ADAMTS12: variants seen among roughly 807,000 people sequenced by gnomAD.
The protein encoded by ADAMTS12 is A disintegrin and metalloproteinase with thrombospondin motifs 12.
In ADAMTS12, 118 loss-of-function variants were observed where a neutral mutation model predicts 167.8. The ratio of observed to expected loss-of-function variants is 0.70; its 90% CI spans 0.61 to 0.82. The LOEUF (loss-of-function observed/expected upper bound fraction) is 0.82. Among genes scored for constraint, ADAMTS12 ranks in the 40% least tolerant of loss-of-function variants. The pLI is 0.00. For missense variants in ADAMTS12, 1,916 were observed against 1,998.8 expected (o/e 0.96, Z 0.79); for synonymous variants, 704 against 716.9 (o/e 0.98, Z 0.29).
At chr5:33,720,902 C>T (rs1188054701) in intron 3 of ADAMTS12, among the ~76,000 whole-genome samples, 1 of 152,150 alleles carries the variant, frequency 6.6e-6, no homozygotes, top group Non-Finnish European at 1.5e-5. Context: ...AAAGCATGTA[C>T]ACATTTTTAC....
At chr5:33,529,280 A>G (rs1262151695) in intron 23 of ADAMTS12, among the ~76,000 whole-genome samples, 1 of 152,120 alleles carries the variant, frequency 6.6e-6, no homozygotes, top group Non-Finnish European at 1.5e-5. Flanking sequence ...TTTCCCATAC[A>G]TGAGTCAGGG....
intron 16 of ADAMTS12, among the ~76,000 whole-genome samples, chr5:33,613,078 G>C (rs964076224): frequency 6.6e-6 from 1 of 152,150 alleles, no homozygotes; most frequent in Non-Finnish European, 1.5e-5. Flanking sequence ...GAAGCCTGTG[G>C]GAGAGTAGGC....
intron 14 of ADAMTS12, among the ~76,000 whole-genome samples, chr5:33,616,448 T>G (rs1224756077): frequency 6.6e-6 from 1 of 152,212 alleles, no homozygotes; most frequent in African/African-American, 2.4e-5. Flanking sequence ...TTGTTGCTAC[T>G]ATTACATTAG....
In ADAMTS12 at chr5:33,790,708, C is replaced by A. The variant is rs955235594; in HGVS notation, c.490-39160G>T. Among the ~76,000 whole-genome samples, 27 of 150,024 alleles carry A rather than the reference C, an allele frequency of 1.8e-4. No individual in the cohort carries two copies. In the Middle Eastern group the frequency reaches 0.011, roughly 60 times the overall value. ...GTGTGTACACACACGCACATGTGTG[C>A]ACATAGAGATTCAGGTATACACACA... On this transcript the variant is annotated intron_variant, in intron 2 of 23. Transcript: ENST00000504830.
At chr5:33,538,834 A>T (rs1034063347) in intron 22 of ADAMTS12, among the ~76,000 whole-genome samples, 2 of 152,262 alleles carry the variant, frequency 1.3e-5, no homozygotes, top group South Asian at 2.1e-4. Context: ...CTTCCCTGGC[A>T]CTGAATTTCC....
chr5:33,846,114 T>C (rs894569483), intron 2 of ADAMTS12, among the ~76,000 whole-genome samples: 2 of 152,154 alleles, frequency 1.3e-5, no homozygotes, highest in Non-Finnish European at 2.9e-5. Flanking sequence ...AATCAAATCA[T>C]AAGCCAACGT....
At chr5:33,832,861 A>C (rs1167325120) in intron 2 of ADAMTS12, among the ~76,000 whole-genome samples, 3 of 152,212 alleles carry the variant, frequency 2.0e-5, no homozygotes, top group African/African-American at 7.2e-5. Context: ...GGTAGAAACC[A>C]GACTGAACAA....
intron 9 of ADAMTS12, among the ~76,000 whole-genome samples, chr5:33,647,042 T>C (rs1441809390): frequency 6.6e-6 from 1 of 151,992 alleles, no homozygotes; most frequent in Non-Finnish European, 1.5e-5. Context: ...TGATATAAAA[T>C]ACAGAGACAC....
intron 3 of ADAMTS12, among the ~76,000 whole-genome samples, chr5:33,699,413 A>T (rs1257784723): frequency 6.6e-6 from 1 of 152,070 alleles, no homozygotes; most frequent in African/African-American, 2.4e-5. Flanking sequence ...TATAAAAATT[A>T]ACTCAAAATG....
At chr5:33,683,383 TCAGG>T (rs1742201627) in intron 4 of ADAMTS12, among the ~76,000 whole-genome samples, 1 of 152,208 alleles carries the variant, frequency 6.6e-6, no homozygotes, top group African/African-American at 2.4e-5. Flanking sequence ...TATCAGTTAC[TCAGG>T]CAAATACCTT....
chr5:33,693,693 A>G (rs990134812), intron 3 of ADAMTS12, among the ~76,000 whole-genome samples: 3 of 152,210 alleles, frequency 2.0e-5, no homozygotes, highest in African/African-American at 7.2e-5. Flanking sequence ...CACCTATGAT[A>G]TACCCACAGC....
rs775332386 is a variant in ADAMTS12, at chr5:33,576,151, C to T, written c.3875G>A (p.Ser1292Asn). Residue 1292 changes from serine to asparagine, a missense_variant, in exon 19 of 24, where the codon AGT (serine) becomes AAT (asparagine). Ser to Asn is a conservative substitution (Grantham distance 46, BLOSUM62 1). Coordinates refer to ENST00000504830, the MANE Select transcript of ADAMTS12 (RefSeq NM_030955.4). ...EPVLTEEDAT[S>N]LITEGFLLNA... ...TAGCAAAAAGCCCTCAGTAATCAGA[C>T]TTGTTGCATCCTCCTCAGTCAGGAC... 4 of 1,614,198 alleles carry T rather than the reference C, an allele frequency of 2.5e-6. No individual in the cohort carries two copies. The highest frequency in any genetic ancestry group is 1.7e-6 in the Non-Finnish European group (2 of 1,180,040).
At chr5:33,543,157 C>A (rs541023942) in intron 22 of ADAMTS12, among the ~76,000 whole-genome samples, 3 of 151,950 alleles carry the variant, frequency 2.0e-5, no homozygotes, top group Non-Finnish European at 2.9e-5. Context: ...ATCAAATAGA[C>A]GCAATAAAAA....
chr5:33,768,114 C>T (rs1364426091), intron 2 of ADAMTS12, among the ~76,000 whole-genome samples: 1 of 152,156 alleles, frequency 6.6e-6, no homozygotes, highest in Non-Finnish European at 1.5e-5. Flanking sequence ...TGATAAAGAA[C>T]AGCCAACAGG....
chr5:33,613,035 T>C (rs78955884), intron 16 of ADAMTS12, among the ~76,000 whole-genome samples: 2,774 of 152,318 alleles, frequency 0.018, 93 homozygotes, highest in African/African-American at 0.064. Flanking sequence ...GGAAAGCCAG[T>C]GCAGGTGCTG....
intron 2 of ADAMTS12, among the ~76,000 whole-genome samples, chr5:33,784,386 T>C (rs1746256923): frequency 6.6e-6 from 1 of 151,856 alleles, no homozygotes; most frequent in Non-Finnish European, 1.5e-5. Context: ...ATTAAAGGCA[T>C]GCAAATTGGA....
intron 2 of ADAMTS12, among the ~76,000 whole-genome samples, chr5:33,761,712 T>C (rs1745362696): frequency 6.6e-6 from 1 of 152,148 alleles, no homozygotes; most frequent in East Asian, 1.9e-4. Context: ...TATAGCAAAA[T>C]AAATTCATTT....
At position 33,865,491 on chromosome 5, in the gene ADAMTS12, A is replaced by C. The variant is rs1453111083; in HGVS notation, c.489+15628T>G. Among the ~76,000 whole-genome samples, 3 of 152,204 alleles carry C rather than the reference A, an allele frequency of 2.0e-5. No homozygotes were observed. The East Asian group carries it at 5.8e-4, about 29-fold the overall frequency. On this transcript the variant is annotated intron_variant, in intron 2 of 23. Transcript: ENST00000504830. ...CTCAAAATAATAAAAGCCATATATG[A>C]CAAACCCACAGTCAATATCATACTG... is the stretch of plus-strand genomic sequence containing the variant.
intron 6 of ADAMTS12, among the ~76,000 whole-genome samples, chr5:33,661,511 G>A (rs940539430): frequency 2.6e-5 from 4 of 152,156 alleles, no homozygotes; most frequent in Non-Finnish European, 5.9e-5. Context: ...GATATTTCAT[G>A]TTTCTACATT....
Sources: allele counts gnomAD v4.1 joint callset (sites outside exome capture counted in the v4.1 genomes callset), GRCh38; gene constraint gnomAD v4.1.1; transcripts MANE v1.5; gene names NCBI Gene and HGNC (gene_info 2026-07-23, HGNC 2026-07-21).